Variants in ZBTB16 observed in about 807,000 individuals in gnomAD.
The protein encoded by ZBTB16 is zinc finger and BTB domain-containing protein 16.
A neutral mutation model predicts 56.8 loss-of-function variants in ZBTB16; 8 were observed. That is an observed-to-expected ratio of 0.14 (90% CI 0.08 to 0.25). ZBTB16 has a LOEUF of 0.25. Ranked by LOEUF, ZBTB16 falls within the 10% of genes least tolerant of loss-of-function variation. The pLI, the probability that ZBTB16 is intolerant of heterozygous loss-of-function variation, is 1.00. For synonymous variants in ZBTB16, 363 were observed against 368.5 expected (o/e 0.98, Z 0.17); for missense variants, 625 against 903.0 (o/e 0.69, Z 3.95).
intron 2 of ZBTB16, among the ~76,000 whole-genome samples, chr11:114,097,086 T>A (rs1194335178): frequency 6.6e-6 from 1 of 152,226 alleles, no homozygotes; most frequent in Non-Finnish European, 1.5e-5. Flanking sequence ...CAAAATGTGG[T>A]ATATACATAT....
intron 2 of ZBTB16, among the ~76,000 whole-genome samples, chr11:114,073,362 C>G (rs1442698502): frequency 3.9e-5 from 6 of 152,116 alleles, no homozygotes; most frequent in Non-Finnish European, 8.8e-5. Context: ...AACCCATTTA[C>G]AAAAATAAAA....
intron 4 of ZBTB16, among the ~76,000 whole-genome samples, chr11:114,232,943 G>T (rs1038168953): frequency 6.6e-6 from 1 of 152,126 alleles, no homozygotes; most frequent in African/African-American, 2.4e-5. Flanking sequence ...CTTGGACCCC[G>T]TGACCTTTGC....
At chr11:114,069,901 T>C (rs1939263948) in intron 2 of ZBTB16, among the ~76,000 whole-genome samples, 1 of 152,148 alleles carries the variant, frequency 6.6e-6, no homozygotes. Context: ...TCTGAAAAGC[T>C]CTGAAAACTA....
chr11:114,114,161 A>T (rs984434129), intron 2 of ZBTB16, among the ~76,000 whole-genome samples: 2 of 152,254 alleles, frequency 1.3e-5, no homozygotes, highest in Non-Finnish European at 2.9e-5. Flanking sequence ...TCTAGTTGAC[A>T]ATGATTTCTG....
intron 4 of ZBTB16, among the ~76,000 whole-genome samples, chr11:114,240,647 A>C (rs1335043239): frequency 6.6e-6 from 1 of 152,158 alleles, no homozygotes; most frequent in Non-Finnish European, 1.5e-5. Flanking sequence ...AAGGGTGGGC[A>C]CTGAGCTGCC....
In ZBTB16 at chr11:114,245,712, G is replaced by A. The variant is rs535461257; in HGVS notation, c.1625-1486G>A. 1.6e-4 allele frequency among the ~76,000 whole-genome samples: 24 copies of A among 152,244 alleles called. No homozygotes were observed. The East Asian group carries it at 4.3e-3, about 27-fold the overall frequency. ...TTTGACATGGGGATAATGCAAAAAC[G>A]TAGGTCATTGTGGATGACTTAAACC... On this transcript the variant is annotated intron_variant, in intron 5 of 6. Transcript: ENST00000335953.
At chr11:114,191,015 T>G (rs1355795345) in intron 4 of ZBTB16, among the ~76,000 whole-genome samples, 1 of 151,954 alleles carries the variant, frequency 6.6e-6, no homozygotes, top group Non-Finnish European at 1.5e-5. Context: ...GAGCAGGAGC[T>G]AGAGAGAGAG....
intron 2 of ZBTB16, among the ~76,000 whole-genome samples, chr11:114,128,226 G>T (rs1447456995): frequency 6.6e-6 from 1 of 152,198 alleles, no homozygotes; most frequent in African/African-American, 2.4e-5. Context: ...GAGAGCCTGG[G>T]GGGGATCCCA....
At chr11:114,166,165 A>T (rs1942748052) in intron 3 of ZBTB16, among the ~76,000 whole-genome samples, 3 of 151,608 alleles carry the variant, frequency 2.0e-5, no homozygotes, top group Admixed American at 1.3e-4. Context: ...CTTGGGGCAT[A>T]GAACTGCAAG....
intron 3 of ZBTB16, among the ~76,000 whole-genome samples, chr11:114,159,945 A>G (rs57186236): frequency 0.31 from 33,858 of 108,916 alleles, 7,415 homozygotes; most frequent in African/African-American, 0.55. Flanking sequence ...GGCGGGGGGG[A>G]GGCGAGCATT....
At chr11:114,104,711 C>T (rs770198066) in intron 2 of ZBTB16, among the ~76,000 whole-genome samples, 41 of 152,180 alleles carry the variant, frequency 2.7e-4, no homozygotes, top group Non-Finnish European at 5.1e-4. Context: ...ACTCAGCCTG[C>T]GAAATAGGAA....
intron 6 of ZBTB16, among the ~76,000 whole-genome samples, chr11:114,247,960 C>T (rs769790049): frequency 2.2e-4 from 34 of 151,738 alleles, no homozygotes; most frequent in Non-Finnish European, 4.4e-4. Flanking sequence ...TGCAGTGGCA[C>T]GATCTCAGTT....
rs1944966581 is a variant in ZBTB16, at chr11:114,254,414, C to T, written c.*3859C>T. Among the ~76,000 whole-genome samples the T allele has an allele frequency of 6.6e-6, 1 of 152,034 alleles. No individual in the cohort carries two copies. The highest frequency in any genetic ancestry group is 6.6e-5 in the Admixed American group (1 of 15,266). ...TGTTGAGAAAAAAAAGAAAAAAAAA[C>T]TGCTGCAATTTTTCACAAGTGTATG... On this transcript the variant is annotated 3_prime_UTR_variant, in exon 7 of 7. Coordinates refer to ENST00000335953, the MANE Select transcript of ZBTB16 (RefSeq NM_006006.6).
At chr11:114,133,816 C>T (rs1394088051) in intron 2 of ZBTB16, among the ~76,000 whole-genome samples, 1 of 152,192 alleles carries the variant, frequency 6.6e-6, no homozygotes, top group East Asian at 1.9e-4. Context: ...AGACCTATTA[C>T]GACTATAGCA....
At chr11:114,103,141 G>A (rs748181290) in intron 2 of ZBTB16, among the ~76,000 whole-genome samples, 2 of 152,220 alleles carry the variant, frequency 1.3e-5, no homozygotes, top group Non-Finnish European at 2.9e-5. Context: ...ATTGAGGTTC[G>A]ACTGTAAGGG....
intron 2 of ZBTB16, among the ~76,000 whole-genome samples, chr11:114,104,315 G>C (rs551252871): frequency 2.4e-4 from 36 of 152,290 alleles, no homozygotes; most frequent in Admixed American, 6.5e-4. Context: ...AAGCATGTGC[G>C]AGCCTGTAGA....
Position 114,091,858 on chromosome 11 carries a change from G to A in ZBTB16, c.1268+27290G>A, listed in dbSNP as rs1293269010. Among the ~76,000 whole-genome samples, 3 of 152,040 alleles carry A rather than the reference G, an allele frequency of 2.0e-5. No individual in the cohort carries two copies. The East Asian group carries it at 5.8e-4, about 29-fold the overall frequency. On this transcript the variant is annotated intron_variant, in intron 2 of 6. Transcript: ENST00000335953. ...CCCTCTCCTAAGCCGGTCAAGCAGTGGTATTCTGGGATGATTTTCCCTGCA... is the reference window on the plus strand; with the variant it reads ...CCCTCTCCTAAGCCGGTCAAGCAGTAGTATTCTGGGATGATTTTCCCTGCA...
chr11:114,250,237 A>T lies in ZBTB16; in HGVS notation c.1793-89A>T. The T allele has an allele frequency of 6.8e-7, 1 of 1,480,588 alleles. No homozygotes were observed. The highest frequency in any genetic ancestry group is 9.3e-7 in the Non-Finnish European group (1 of 1,073,360). The allele number at this position is 1,480,588 out of a possible 1,614,324, so 91.7% of individuals were successfully genotyped here. Reference sequence around the variant, plus strand: ...GGAGCAAGCCCAGCTGGAGGAACCCAGCTTCCCTGGCACGCCTGAGGGTGA... The same window carrying T: ...GGAGCAAGCCCAGCTGGAGGAACCCTGCTTCCCTGGCACGCCTGAGGGTGA... On this transcript the variant is annotated intron_variant, in intron 6 of 6. Coordinates refer to ENST00000335953, the MANE Select transcript of ZBTB16 (RefSeq NM_006006.6). This position sits in a 1 kb window ranked among gnomAD's most constrained non-coding sequence, Gnocchi z 6.0.
At chr11:114,095,245 C>CTTTTTTTTTCTTT (rs1940343187) in intron 2 of ZBTB16, among the ~76,000 whole-genome samples, 1 of 90,480 alleles carries the variant, frequency 1.1e-5, no homozygotes, top group African/African-American at 6.2e-5. Flanking sequence ...CTTTTCTTTT[C>CTTTTTTTTTCTTT]TTTTTTTTTT....
Sources: gnomAD v4.1 joint callset for allele counts (sites outside exome capture counted in the v4.1 genomes callset) on GRCh38, gnomAD v4.1.1 for gene constraint, Gnocchi (gnomAD v3.1) non-coding constraint, MANE v1.5 for transcripts, NCBI Gene and HGNC (gene_info 2026-07-23, HGNC 2026-07-21) for gene names.